The following XYLT1 variants were observed in gnomAD, a reference collection of about 807,000 sequenced individuals.
XYLT1 encodes beta-D-xylosyltransferase 1.
In XYLT1, 36 loss-of-function variants were observed where a neutral mutation model predicts 91.3. The observed-to-expected ratio is 0.39, with a 90% CI of 0.30 to 0.52. The LOEUF is 0.52. Ranked by LOEUF, XYLT1 falls within the 20% of genes least tolerant of loss-of-function variation. The probability of loss-of-function intolerance (pLI) is 0.68; values close to 1 mark genes in which losing one functional copy is unlikely to be tolerated. For synonymous variants in XYLT1, 588 were observed against 532.0 expected (o/e 1.11, Z -1.45); for missense variants, 1,242 against 1,284.5 (o/e 0.97, Z 0.51).
chr16:17,242,654 A>C (rs549174441), intron 3 of XYLT1, among the ~76,000 whole-genome samples: 5 of 152,368 alleles, frequency 3.3e-5, no homozygotes, highest in Non-Finnish European at 7.3e-5. Flanking sequence ...TACCGTCTTA[A>C]TCATTTTAAG....
chr16:17,227,475 T>C (rs1336203463), intron 3 of XYLT1: 1 of 152,302 alleles, frequency 6.6e-6, no homozygotes, highest in Non-Finnish European at 1.5e-5. Context: ...GATCCTGAGA[T>C]GTCAAATAGT....
intron 2 of XYLT1, among the ~76,000 whole-genome samples, chr16:17,342,293 G>A (rs900752117): frequency 2.0e-5 from 3 of 152,136 alleles, no homozygotes; most frequent in Non-Finnish European, 4.4e-5. Context: ...TGAGATCTTT[G>A]CTCAAACACT....
chr16:17,277,506 C>T (rs1482350508), intron 2 of XYLT1, among the ~76,000 whole-genome samples: 1 of 152,132 alleles, frequency 6.6e-6, no homozygotes, highest in East Asian at 1.9e-4. Context: ...TCTCCTGCCT[C>T]AGCCTCCTGA....
chr16:17,419,828 G>A (rs2036228982), intron 1 of XYLT1, among the ~76,000 whole-genome samples: 2 of 152,130 alleles, frequency 1.3e-5, no homozygotes, highest in Admixed American at 1.3e-4. Context: ...TTTGATTTGA[G>A]TATGGAATGA....
At chr16:17,152,108 A>G (rs1382384434) in intron 6 of XYLT1, among the ~76,000 whole-genome samples, 1 of 152,240 alleles carries the variant, frequency 6.6e-6, no homozygotes, top group Non-Finnish European at 1.5e-5. Flanking sequence ...TAGCCTTGAT[A>G]GATGGTTTGG....
At chr16:17,359,089 A>G (rs939318353) in intron 1 of XYLT1, among the ~76,000 whole-genome samples, 2 of 151,796 alleles carry the variant, frequency 1.3e-5, no homozygotes, top group African/African-American at 4.9e-5. Flanking sequence ...GTGGTTTCCA[A>G]AGAAAACAGG....
chr16:17,175,815 T>C (rs2031930252), intron 5 of XYLT1, among the ~76,000 whole-genome samples: 1 of 152,162 alleles, frequency 6.6e-6, no homozygotes. Flanking sequence ...GCACCTCCAC[T>C]TTATGTGGAG....
chr16:17,397,792 C>T (rs1043747800), intron 1 of XYLT1, among the ~76,000 whole-genome samples: 5 of 150,466 alleles, frequency 3.3e-5, no homozygotes, highest in Admixed American at 2.0e-4. Flanking sequence ...GTCATTGCTA[C>T]GATTTTACTA....
intron 5 of XYLT1, among the ~76,000 whole-genome samples, chr16:17,161,674 C>CGT (rs879573992): frequency 4.3e-4 from 23 of 53,700 alleles, no homozygotes; most frequent in East Asian, 5.6e-4. Flanking sequence ...CAGTTTCTCG[C>CGT]GCGCTCTCTC....
chr16:17,208,776 G>A (rs190361731), intron 3 of XYLT1, among the ~76,000 whole-genome samples: 186 of 152,252 alleles, frequency 1.2e-3, no homozygotes, highest in African/African-American at 4.1e-3. Context: ...CCAGGCTGGA[G>A]TGCTGTGGCA....
chr16:17,279,523 G>T (rs750547319), intron 2 of XYLT1, among the ~76,000 whole-genome samples: 11 of 152,190 alleles, frequency 7.2e-5, no homozygotes, highest in Non-Finnish European at 1.3e-4. Context: ...CAAGTCCCAG[G>T]CTGGAAGTGA....
At chr16:17,461,159 G>A (rs1224495324) in intron 1 of XYLT1, among the ~76,000 whole-genome samples, 1 of 152,180 alleles carries the variant, frequency 6.6e-6, no homozygotes, top group African/African-American at 2.4e-5. Context: ...TGAGCTACAA[G>A]AAGAAGAGCT....
At position 17,268,442 on chromosome 16, in the gene XYLT1, C is replaced by T. The variant is rs2033837765; in HGVS notation, c.403-8944G>A. On this transcript the variant is annotated intron_variant, in intron 2 of 11. Transcript: ENST00000261381. ...CCTAAGCCAAAGCTCTTTGGTGTTC[C>T]TCAATAATGTTTGAGACTATACAGC... Among the ~76,000 whole-genome samples, 3 of 152,092 alleles carry T rather than the reference C, an allele frequency of 2.0e-5. No homozygotes were observed. In the South Asian group the frequency reaches 6.2e-4, roughly 32 times the overall value.
At chr16:17,160,186 A>G (rs2031513710) in intron 5 of XYLT1, among the ~76,000 whole-genome samples, 1 of 152,218 alleles carries the variant, frequency 6.6e-6, no homozygotes, top group African/African-American at 2.4e-5. Flanking sequence ...ACTGAATGGC[A>G]GCTTTCTCTG....
intron 1 of XYLT1, among the ~76,000 whole-genome samples, chr16:17,379,751 T>TCACACA (rs1460172438): frequency 1.6e-5 from 2 of 124,442 alleles, no homozygotes; most frequent in Non-Finnish European, 3.5e-5. Context: ...TCTCTCTCTC[T>TCACACA]CTCTCTCTCT....
intron 2 of XYLT1, among the ~76,000 whole-genome samples, chr16:17,293,768 C>T (rs2034266963): frequency 6.6e-6 from 1 of 152,138 alleles, no homozygotes; most frequent in Admixed American, 6.5e-5. Flanking sequence ...GGGTTACAGG[C>T]GTGAGCCACC....
intron 2 of XYLT1, among the ~76,000 whole-genome samples, chr16:17,300,125 AAG>A (rs1321210372): frequency 6.6e-6 from 1 of 152,284 alleles, no homozygotes; most frequent in African/African-American, 2.4e-5. Flanking sequence ...TGGGGGTCAA[AAG>A]AGTGGCTTAG....
chr16:17,306,460 C>G (rs772602542), intron 2 of XYLT1, among the ~76,000 whole-genome samples: 3 of 151,980 alleles, frequency 2.0e-5, no homozygotes, highest in Admixed American at 6.6e-5. Flanking sequence ...GAGGCTGAGG[C>G]AGGAGAATGG....
intron 2 of XYLT1, among the ~76,000 whole-genome samples, chr16:17,344,864 C>T (rs1287419472): frequency 6.6e-6 from 1 of 152,026 alleles, no homozygotes; most frequent in Non-Finnish European, 1.5e-5. Flanking sequence ...CCACGCTTGG[C>T]TAATTTTTAT....
Sources: gnomAD v4.1 joint callset for allele counts (sites outside exome capture counted in the v4.1 genomes callset) on GRCh38, gnomAD v4.1.1 for gene constraint, MANE v1.5 for transcripts, NCBI Gene and HGNC (gene_info 2026-07-23, HGNC 2026-07-21) for gene names.